The following DLG2 variants were observed in gnomAD, a reference collection of about 807,000 sequenced individuals.
DLG2 encodes the protein discs large MAGUK scaffold protein 2.
In DLG2, 45 loss-of-function variants were observed where a neutral mutation model predicts 132.5. The observed-to-expected ratio is 0.34, with a 90% CI of 0.27 to 0.44. The LOEUF (loss-of-function observed/expected upper bound fraction) is 0.44, where lower values mean the gene tolerates loss of function less well. DLG2 is among the 20% of genes least tolerant of loss of function. The pLI, the probability that DLG2 is intolerant of heterozygous loss-of-function variation, is 1.00. For missense variants in DLG2, 1,045 were observed against 1,196.9 expected (o/e 0.87, Z 1.87); for synonymous variants, 424 against 419.6 (o/e 1.01, Z -0.13).
chr11:84,891,905 T>G (rs2089458383), intron 6 of DLG2, among the ~76,000 whole-genome samples: 2 of 152,184 alleles, frequency 1.3e-5, no homozygotes, highest in African/African-American at 4.8e-5. Context: ...GGATGCACCA[T>G]TTATTATAAT....
At chr11:84,017,358 T>A (rs939098708) in intron 11 of DLG2, among the ~76,000 whole-genome samples, 1 of 151,998 alleles carries the variant, frequency 6.6e-6, no homozygotes, top group Non-Finnish European at 1.5e-5. Flanking sequence ...TTGAAACCAA[T>A]GTTATATATA....
chr11:83,542,090 G>A (rs2096086231), intron 19 of DLG2, among the ~76,000 whole-genome samples: 1 of 152,044 alleles, frequency 6.6e-6, no homozygotes, highest in Admixed American at 6.6e-5. Flanking sequence ...CCCCCAAACT[G>A]AGATCTGCTT....
chr11:84,801,878 T>G (rs566026086), intron 6 of DLG2, among the ~76,000 whole-genome samples: 2 of 152,316 alleles, frequency 1.3e-5, no homozygotes, highest in East Asian at 1.9e-4. Context: ...AAATTTGGTA[T>G]TGAGAACACA....
At chr11:85,546,797 G>A (rs1208167618) in intron 3 of DLG2, among the ~76,000 whole-genome samples, 1 of 144,852 alleles carries the variant, frequency 6.9e-6, no homozygotes, top group African/African-American at 2.6e-5. Context: ...TGTTTTATCA[G>A]AGACTAGGAT....
At chr11:85,091,978 T>A (rs1321227251) in intron 6 of DLG2, among the ~76,000 whole-genome samples, 1 of 152,232 alleles carries the variant, frequency 6.6e-6, no homozygotes, top group African/African-American at 2.4e-5. Context: ...TTTACTAGAA[T>A]GTTTTCAATT....
chr11:84,106,804 GATT>G (rs2092945426), intron 9 of DLG2, among the ~76,000 whole-genome samples: 1 of 146,252 alleles, frequency 6.8e-6, no homozygotes, highest in South Asian at 2.2e-4. Flanking sequence ...AGTGAAAGTA[GATT>G]ATTATCTGTG....
At chr11:85,182,064 A>G (rs147761283) in intron 4 of DLG2, among the ~76,000 whole-genome samples, 1 of 152,112 alleles carries the variant, frequency 6.6e-6, no homozygotes, top group African/African-American at 2.4e-5. Flanking sequence ...TATTTTTTGA[A>G]TACATTTTGG....
intron 11 of DLG2, among the ~76,000 whole-genome samples, chr11:84,004,188 C>T (rs762779683): frequency 6.6e-6 from 1 of 151,962 alleles, no homozygotes; most frequent in African/African-American, 2.4e-5. Flanking sequence ...AAATCCTCAA[C>T]AAAATACTAG....
chr11:85,613,186 CCT>C (rs2081118583), intron 2 of DLG2, among the ~76,000 whole-genome samples: 3 of 152,128 alleles, frequency 2.0e-5, no homozygotes, highest in African/African-American at 7.2e-5. Flanking sequence ...GCCTTTGGGC[CCT>C]GTATTTTTAA....
chr11:85,146,227 C>CCGCT (rs1555384684), intron 5 of DLG2, among the ~76,000 whole-genome samples: 3 of 129,110 alleles, frequency 2.3e-5, no homozygotes, highest in Non-Finnish European at 4.9e-5. Flanking sequence ...TCTGTTTCTC[C>CCGCT]CTCTCTCTCT....
At chr11:83,852,272 T>C (rs999250054) in intron 16 of DLG2, among the ~76,000 whole-genome samples, 2 of 152,206 alleles carry the variant, frequency 1.3e-5, no homozygotes, top group Non-Finnish European at 2.9e-5. Context: ...GAACATCACC[T>C]GCCTAGAGGG....
At chr11:85,325,064 C>G (rs372150983) in intron 3 of DLG2, among the ~76,000 whole-genome samples, 46 of 50,942 alleles carry the variant, frequency 9.0e-4, no homozygotes, top group African/African-American at 1.9e-3. Flanking sequence ...CTTTTCAGAC[C>G]GGCTTAAGAA....
chr11:84,721,098 C>A (rs570013158), intron 6 of DLG2, among the ~76,000 whole-genome samples: 2 of 152,078 alleles, frequency 1.3e-5, no homozygotes, highest in African/African-American at 4.8e-5. Flanking sequence ...TGGCCCCCAC[C>A]GCTACAGCCA....
intron 3 of DLG2, among the ~76,000 whole-genome samples, chr11:85,332,738 C>T (rs551367383): frequency 3.7e-4 from 56 of 152,128 alleles, no homozygotes; most frequent in African/African-American, 1.3e-3. Flanking sequence ...TTATTATTGT[C>T]GACCCTCTCA....
At chr11:85,105,018 A>G (rs613972) in intron 6 of DLG2, among the ~76,000 whole-genome samples, 80,210 of 151,532 alleles carry the variant, frequency 0.53, 21,839 homozygotes, top group East Asian at 0.68. Context: ...AGCTGGGGAC[A>G]CTGAGCATAA....
intron 17 of DLG2, among the ~76,000 whole-genome samples, chr11:83,831,138 T>A (rs1159852244): frequency 6.6e-6 from 1 of 152,182 alleles, no homozygotes; most frequent in Non-Finnish European, 1.5e-5. Flanking sequence ...TATAAAATCA[T>A]ATAAGATAGA....
At chr11:85,483,715 A>C (rs1254408127) in intron 3 of DLG2, among the ~76,000 whole-genome samples, 1 of 152,038 alleles carries the variant, frequency 6.6e-6, no homozygotes, top group Non-Finnish European at 1.5e-5. Context: ...ATGCCAAGGC[A>C]GGTAGATCAC....
chr11:84,985,784 G>A (rs565825243), intron 6 of DLG2, among the ~76,000 whole-genome samples: 1 of 152,132 alleles, frequency 6.6e-6, no homozygotes, highest in East Asian at 1.9e-4. Context: ...CTTGAGGTCA[G>A]GATTTCAAGA....
chr11:84,098,801 G>A, intron 10 of DLG2, 122 bp downstream of exon 10: 1 of 1,131,928 alleles, frequency 8.8e-7, no homozygotes, highest in Non-Finnish European at 1.2e-6. Flanking sequence ...CAGGAAGCTT[G>A]CCTTAAAAAT....
Sources: allele counts gnomAD v4.1 joint callset (sites outside exome capture counted in the v4.1 genomes callset), GRCh38; gene constraint gnomAD v4.1.1; transcripts MANE v1.5; gene names NCBI Gene and HGNC (gene_info 2026-07-23, HGNC 2026-07-21).